The following KLHL7 variants were observed in gnomAD, a reference collection of about 807,000 sequenced individuals.
The protein encoded by KLHL7 is kelch-like protein 7.
A neutral mutation model predicts 67.4 loss-of-function variants in KLHL7; 44 were observed. The observed-to-expected ratio is 0.65, with a 90% CI of 0.51 to 0.84. The LOEUF (loss-of-function observed/expected upper bound fraction) is 0.84, where lower values mean the gene tolerates loss of function less well. Among genes scored for constraint, KLHL7 ranks in the 40% least tolerant of loss-of-function variants. KLHL7 has a pLI of 0.00. For missense variants in KLHL7, 362 were observed against 718.1 expected (o/e 0.50, Z 5.67); for synonymous variants, 252 against 243.3 (o/e 1.04, Z -0.33).
chr7:23,131,014 T>C (rs1457018438), intron 4 of KLHL7, among the ~76,000 whole-genome samples: 1 of 152,200 alleles, frequency 6.6e-6, no homozygotes, highest in East Asian at 1.9e-4. Flanking sequence ...CTGATGACAT[T>C]GATACCTGGT....
At chr7:23,140,308 A>G (rs1011663473) in intron 4 of KLHL7, among the ~76,000 whole-genome samples, 7 of 152,234 alleles carry the variant, frequency 4.6e-5, no homozygotes, top group African/African-American at 1.7e-4. Context: ...TAATCCCAGC[A>G]CTTTGGGAGG....
At chr7:23,155,890 G>A (rs1784688926) in intron 7 of KLHL7, 5 of 297,996 alleles carry the variant, frequency 1.7e-5, no homozygotes, top group South Asian at 1.2e-4. Context: ...TAGGAGGCAG[G>A]GAGCATTGTT....
intron 4 of KLHL7, among the ~76,000 whole-genome samples, chr7:23,132,157 T>G (rs1252209478): frequency 1.3e-5 from 2 of 152,226 alleles, no homozygotes; most frequent in East Asian, 3.8e-4. Context: ...TCCTTTCTTT[T>G]GGGTATATAC....
chr7:23,139,099 A>AAC (rs1441738135), intron 4 of KLHL7, among the ~76,000 whole-genome samples: 2 of 151,806 alleles, frequency 1.3e-5, no homozygotes, highest in African/African-American at 2.4e-5. Flanking sequence ...AAAAAAAAAA[A>AAC]AAAAACAAGA....
chr7:23,117,993 G>T, intron 1 of KLHL7: 1 of 1,613,008 alleles, frequency 6.2e-7, no homozygotes. Context: ...TTCTCTTTGG[G>T]ATATAACAAA....
chr7:23,164,204 CAA>C (rs59830094), intron 7 of KLHL7, among the ~76,000 whole-genome samples: 3 of 134,242 alleles, frequency 2.2e-5, no homozygotes, highest in East Asian at 4.5e-4. Context: ...CTATAATCAG[CAA>C]AAAAAAAAAA....
chr7:23,142,895 C>CA (rs1441792472), intron 5 of KLHL7, among the ~76,000 whole-genome samples: 1 of 151,652 alleles, frequency 6.6e-6, no homozygotes, highest in African/African-American at 2.4e-5. Context: ...TAAAGAAATC[C>CA]AAAAAAATAT....
chr7:23,135,156 T>A (rs1371644213), intron 4 of KLHL7, among the ~76,000 whole-genome samples: 2 of 152,182 alleles, frequency 1.3e-5, no homozygotes, highest in African/African-American at 4.8e-5. Flanking sequence ...TGCAAGAAAT[T>A]TTTCAGTTGC....
intron 6 of KLHL7, among the ~76,000 whole-genome samples, chr7:23,148,412 AGCAGCCCC>A (rs375044562): frequency 8.5e-4 from 46 of 54,162 alleles, no homozygotes; most frequent in Middle Eastern, 8.6e-3. Context: ...AAAAAAAAAC[AGCAGCCCC>A]AAAGCTACTT....
chr7:23,111,500 G>A (rs1782868369), intron 1 of KLHL7, among the ~76,000 whole-genome samples: 2 of 152,166 alleles, frequency 1.3e-5, no homozygotes, highest in Admixed American at 1.3e-4. Context: ...ATGCATGTTT[G>A]TAGAGATGGT....
rs972827929 is a variant in KLHL7 at position 23,167,608 on chromosome 7, ATAAG to A, written c.1178-225_1178-222del. Among the ~76,000 whole-genome samples the A allele has an allele frequency of 6.9e-4, 105 of 152,328 alleles. 1 individual carries two copies. The highest frequency in any genetic ancestry group is 2.4e-3 in the African/African-American group (100 of 41,574). The stretch of plus-strand genomic sequence containing the variant: ...TTTTCTAAAGTTTAATTACCAATAA[ATAAG>A]TATTTCCAACAGATCCTTTTAAGGA... On this transcript the variant is annotated intron_variant, in intron 8 of 10. Transcript: ENST00000339077.
chr7:23,117,243 A>G (rs1334594091), intron 1 of KLHL7, among the ~76,000 whole-genome samples: 1 of 151,446 alleles, frequency 6.6e-6, no homozygotes, highest in Non-Finnish European at 1.5e-5. Flanking sequence ...GCGCACCACC[A>G]CGCCTGGCTA....
At chr7:23,170,565 G>C (rs1324291811) in intron 9 of KLHL7, among the ~76,000 whole-genome samples, 2 of 152,192 alleles carry the variant, frequency 1.3e-5, no homozygotes, top group Non-Finnish European at 2.9e-5. Flanking sequence ...AGCTAGAGAA[G>C]AATTGGAATG....
Position 23,149,706 on chromosome 7 carries a change from TAAAC to T in KLHL7, c.794-2357_794-2354del, listed in dbSNP as rs558718940. ...TTTACAATTGTAAAGGATTATAAAA[TAAAC>T]AAAGAATATTCCACAGAAACCATAT... On this transcript the variant is annotated intron_variant, in intron 6 of 10. Transcript: ENST00000339077. Among the ~76,000 whole-genome samples, 111 of 152,308 alleles carry T rather than the reference TAAAC, an allele frequency of 7.3e-4. 4 individuals carry two copies. In the South Asian group the frequency reaches 0.022, roughly 30 times the overall value.
intron 1 of KLHL7, among the ~76,000 whole-genome samples, chr7:23,122,130 T>TTA (rs1783377742): frequency 1.3e-5 from 2 of 152,076 alleles, no homozygotes; most frequent in Admixed American, 6.5e-5. Flanking sequence ...AAAACTCAGT[T>TTA]GCTGTACAAA....
intron 6 of KLHL7, among the ~76,000 whole-genome samples, chr7:23,145,597 A>C (rs1784331128): frequency 6.6e-6 from 1 of 152,228 alleles, no homozygotes. Context: ...GTAGCTGGTC[A>C]TTTTTAAAAT....
At chr7:23,138,139 G>GCACT (rs1203897922) in intron 4 of KLHL7, among the ~76,000 whole-genome samples, 1 of 151,576 alleles carries the variant, frequency 6.6e-6, no homozygotes, top group East Asian at 2.0e-4. Flanking sequence ...TCGTGCCACT[G>GCACT]CACTCAAGCC....
At chr7:23,154,038 G>A (rs1166991631) in intron 7 of KLHL7, among the ~76,000 whole-genome samples, 1 of 152,180 alleles carries the variant, frequency 6.6e-6, no homozygotes, top group Non-Finnish European at 1.5e-5. Context: ...TAAGCAAATG[G>A]TCATGGCTGT....
chr7:23,145,343 CTAATT>C (rs1446563556), intron 6 of KLHL7, among the ~76,000 whole-genome samples: 2 of 151,044 alleles, frequency 1.3e-5, no homozygotes, highest in African/African-American at 2.4e-5. Context: ...TTTTTATTCT[CTAATT>C]TATTATTTCA....
Sources: allele counts gnomAD v4.1 joint callset (sites outside exome capture counted in the v4.1 genomes callset), GRCh38; gene constraint gnomAD v4.1.1; transcripts MANE v1.5; gene names NCBI Gene and HGNC (gene_info 2026-07-23, HGNC 2026-07-21).